MED1: variants seen among roughly 807,000 people sequenced by gnomAD.
The protein encoded by MED1 is mediator complex subunit 1, also known as mediator of RNA polymerase II transcription subunit 1.
A neutral mutation model predicts 121.3 loss-of-function variants in MED1; 17 were observed. That is an observed-to-expected ratio of 0.14 (90% CI 0.10 to 0.21). The LOEUF is 0.21. Among genes scored for constraint, MED1 ranks in the 10% least tolerant of loss-of-function variants. MED1 has a pLI of 1.00. For missense variants in MED1, 1,558 were observed against 1,919.4 expected (o/e 0.81, Z 3.52); for synonymous variants, 661 against 694.4 (o/e 0.95, Z 0.76).
chr17:39,412,228 C>CTTTTTT, intron 16 of MED1, among the ~76,000 whole-genome samples: 1 of 132,276 alleles, frequency 7.6e-6, no homozygotes, highest in South Asian at 2.4e-4. Flanking sequence ...ATTTTTTTTT[C>CTTTTTT]TTTTTTTTTT....
chr17:39,450,091 C>T (rs2048767635), intron 1 of MED1, among the ~76,000 whole-genome samples: 2 of 150,756 alleles, frequency 1.3e-5, no homozygotes, highest in Admixed American at 1.3e-4. Flanking sequence ...TGGGATTACA[C>T]GCGTGAGCCA....
chr17:39,410,319 C>T lies in MED1; in HGVS notation c.1902G>A (p.Ser634=), dbSNP rs375300269. Residue 634 remains serine (S), a synonymous_variant, in exon 17 of 17, where the codon TCG becomes TCA. Coordinates refer to ENST00000300651, the MANE Select transcript of MED1 (RefSeq NM_004774.4). Reference sequence around the variant, plus strand: ...GGTGGTTCTTGGTGTTGCCGGCCATCGAAGAGACAGGTGGCGGCGTGTGAT... The same window carrying T: ...GGTGGTTCTTGGTGTTGCCGGCCATTGAAGAGACAGGTGGCGGCGTGTGAT... ...PPHHTPPPVS[S]MAGNTKNHPM... 51 of 1,613,598 alleles carry T rather than the reference C, an allele frequency of 3.2e-5. No individual in the cohort carries two copies. Among genetic ancestry groups the T allele is most frequent in the Admixed American group, 2.7e-4 (16 of 59,938 alleles).
intron 14 of MED1, among the ~76,000 whole-genome samples, chr17:39,419,173 C>T (rs2048437715): frequency 6.6e-6 from 1 of 151,980 alleles, no homozygotes; most frequent in African/African-American, 2.4e-5. Context: ...TCTCTGCCTC[C>T]CAGGCTCAAG....
chr17:39,419,685 T>C (rs1239954838), intron 14 of MED1, 32 bp downstream of exon 14: 1 of 1,565,666 alleles, frequency 6.4e-7, no homozygotes, highest in Admixed American at 1.7e-5. Flanking sequence ...AGTTTCCATC[T>C]TCCAGTAAGC....
In MED1 at chr17:39,408,700, G is replaced by A. The variant is rs1350264154; in HGVS notation, c.3521C>T (p.Pro1174Leu). The stretch of plus-strand genomic sequence containing the variant: ...CATAAGTGATGATGGCTTTCCTTGA[G>A]GTTTCATCTTGGTGCTGCTAGAGCC... The part of the protein sequence containing the change: ...SSGSSSTKMK[P>L]QGKPSSLMNP... Residue 1174 changes from proline to leucine, a missense_variant, in exon 17 of 17, where the codon CCT (proline) becomes CTT (leucine). By Grantham distance (98) the Pro-to-Leu change is moderately conservative. Coordinates refer to ENST00000300651, the MANE Select transcript of MED1 (RefSeq NM_004774.4). The surrounding 1 kb of genome is among the most constrained non-coding windows in gnomAD (Gnocchi z 4.7). 6 of 1,614,074 alleles carry A rather than the reference G, an allele frequency of 3.7e-6. No homozygotes were observed. Among genetic ancestry groups the A allele is most frequent in the Non-Finnish European group, 5.1e-6 (6 of 1,180,040 alleles).
intron 5 of MED1, 133 bp from the exon 6 acceptor site, chr17:39,439,326 A>T (rs2048650216): frequency 2.7e-5 from 16 of 601,020 alleles, no homozygotes; most frequent in Non-Finnish European, 2.2e-5. Flanking sequence ...TCCTCATATT[A>T]AAATATTAAA....
In MED1 at chr17:39,435,037, G is replaced by A. The variant is rs1459562459; in HGVS notation, c.429-717C>T. ...AAAAAAATTAGCCGAGTGTGGTGGC[G>A]GGCACCTGTAGTCCCAGCTACTCAG... On this transcript the variant is annotated intron_variant, in intron 6 of 16. Coordinates refer to ENST00000300651, the MANE Select transcript of MED1 (RefSeq NM_004774.4). 3.9e-5 allele frequency among the ~76,000 whole-genome samples: 6 copies of A among 151,912 alleles called. No homozygotes were observed. In the East Asian group the frequency reaches 5.8e-4, roughly 15 times the overall value.
At chr17:39,441,596 C>G (rs960325879) in intron 3 of MED1, among the ~76,000 whole-genome samples, 1 of 152,010 alleles carries the variant, frequency 6.6e-6, no homozygotes, top group Non-Finnish European at 1.5e-5. Context: ...GTGGTGAAAC[C>G]CTGTCTCTAA....
At chr17:39,412,825 G>A (rs1051757271) in intron 16 of MED1, among the ~76,000 whole-genome samples, 7 of 151,784 alleles carry the variant, frequency 4.6e-5, no homozygotes, top group African/African-American at 1.5e-4. Context: ...GGTGACCCCC[G>A]CACCCGGCCG....
At chr17:39,430,412 C>T (rs1394577925) in intron 9 of MED1, among the ~76,000 whole-genome samples, 4 of 151,638 alleles carry the variant, frequency 2.6e-5, no homozygotes, top group African/African-American at 9.7e-5. Context: ...TAAAAATTGG[C>T]CAGGCGCAGT....
At chr17:39,413,912 T>TAAAAAAA (rs66489961) in intron 16 of MED1, among the ~76,000 whole-genome samples, 28 of 69,830 alleles carry the variant, frequency 4.0e-4, no homozygotes, top group African/African-American at 1.1e-3. Flanking sequence ...GTAATATCAT[T>TAAAAAAA]AAAAAAAAAA....
At position 39,440,276 on chromosome 17, in the gene MED1, G is replaced by C; in HGVS notation, c.399+110C>G. The stretch of plus-strand genomic sequence containing the variant: ...TAGCCCATCACATCATCTCTACAGT[G>C]GCTCATGGAAAAACCTAAACCCAAG... On this transcript the variant is annotated intron_variant, in intron 5 of 16. Coordinates refer to ENST00000300651, the MANE Select transcript of MED1 (RefSeq NM_004774.4). The surrounding 1 kb of genome is among the most constrained non-coding windows in gnomAD (Gnocchi z 4.1). The C allele has an allele frequency of 9.0e-7, 1 of 1,116,684 alleles. No homozygotes were observed. The highest frequency in any genetic ancestry group is 1.2e-6 in the Non-Finnish European group (1 of 800,914). 69.2% of individuals were successfully genotyped at this position (1,116,684 alleles called of 1,614,324 possible). A position where few individuals can be genotyped will look rare whatever the true frequency, so the allele number is the denominator to read the frequency against.
In MED1 at chr17:39,409,491, C is replaced by T. The variant is rs760699853; in HGVS notation, c.2730G>A (p.Met910Ile). 2.5e-6 allele frequency: 4 copies of T among 1,614,060 alleles called. No individual in the cohort carries two copies. Among genetic ancestry groups the T allele is most frequent in the Non-Finnish European group, 3.4e-6 (4 of 1,180,044 alleles). The change falls in exon 17 of 17, where the codon ATG (methionine) becomes ATA (isoleucine). Residue 910 changes from methionine to isoleucine, a missense_variant. By Grantham distance (10) the Met-to-Ile change is conservative (BLOSUM62 1). Around this residue, in one of 5 missense-constraint regions of MED1, gnomAD observed 793 missense variants for 898.2 expected, o/e 0.88. Coordinates refer to ENST00000300651, the MANE Select transcript of MED1 (RefSeq NM_004774.4). ...TGGTCTCCCCATTATCACCTCCAAG[C>T]ATTGGCACCCCCAAAGTATTTAGTG... ...SQALNTLGVP[M>I]LGGDNGETKF...
chr17:39,413,915 A>T (rs1430218443), intron 16 of MED1, among the ~76,000 whole-genome samples: 5 of 25,792 alleles, frequency 1.9e-4, no homozygotes, highest in South Asian at 8.1e-3. Flanking sequence ...ATATCATTAA[A>T]AAAAAAAAAA....
chr17:39,425,893 CA>C (rs2048510578), intron 10 of MED1, among the ~76,000 whole-genome samples: 1 of 151,844 alleles, frequency 6.6e-6, no homozygotes, highest in Non-Finnish European at 1.5e-5. Context: ...AGAAACAATG[CA>C]GTCCAAAAAC....
At chr17:39,447,719 C>T in intron 2 of MED1, 79 bp downstream of exon 2, 1 of 1,007,710 alleles carries the variant, frequency 9.9e-7, no homozygotes, top group Non-Finnish European at 1.5e-6. Context: ...ATAGTATGAA[C>T]ACATCTACAT....
At chr17:39,428,288 T>C (rs2048533717) in intron 9 of MED1, among the ~76,000 whole-genome samples, 1 of 151,798 alleles carries the variant, frequency 6.6e-6, no homozygotes. Context: ...ATTGAGACCA[T>C]CCTGACTAAC....
chr17:39,450,586 G>A (rs1215375420), intron 1 of MED1, among the ~76,000 whole-genome samples: 1 of 152,124 alleles, frequency 6.6e-6, no homozygotes, highest in African/African-American at 2.4e-5. Flanking sequence ...GAAATTCAGC[G>A]CACTTTAAAA....
intron 11 of MED1, 77 bp downstream of exon 11, chr17:39,424,550 C>A: frequency 1.1e-6 from 1 of 873,870 alleles, no homozygotes; most frequent in Non-Finnish European, 1.8e-6. Context: ...AGTGGGGTAA[C>A]AGCCAGGTTA....
Sources: allele counts gnomAD v4.1 joint callset (sites outside exome capture counted in the v4.1 genomes callset), GRCh38; gene constraint gnomAD v4.1.1; regional missense constraint gnomAD v4.1.1; non-coding constraint Gnocchi (gnomAD v3.1); transcripts MANE v1.5; gene names NCBI Gene and HGNC (gene_info 2026-07-23, HGNC 2026-07-21).